Variants in SHISA9 observed in about 807,000 individuals in gnomAD.
SHISA9 encodes protein shisa-9.
In SHISA9, 13 loss-of-function variants were observed where a neutral mutation model predicts 38.0. The observed-to-expected ratio is 0.34, with a 90% CI of 0.22 to 0.54. The LOEUF is 0.54. Ranked by LOEUF, SHISA9 falls within the 20% of genes least tolerant of loss-of-function variation. The probability of loss-of-function intolerance (pLI) is 0.91; values close to 1 mark genes in which losing one functional copy is unlikely to be tolerated. For missense variants in SHISA9, 538 were observed against 575.8 expected, an observed-to-expected ratio of 0.93 and a Z score of 0.67; for synonymous variants, 275 against 242.0, an observed-to-expected ratio of 1.14 and a Z score of -1.27.
intron 4 of SHISA9, among the ~76,000 whole-genome samples, chr16:13,229,715 G>A (rs943420781): frequency 6.6e-6 from 1 of 152,184 alleles, no homozygotes; most frequent in African/African-American, 2.4e-5. Context: ...CAAAGAACTC[G>A]TGGTCTAGTG....
At chr16:13,030,287 G>A (rs1050424792) in intron 2 of SHISA9, among the ~76,000 whole-genome samples, 2 of 152,140 alleles carry the variant, frequency 1.3e-5, no homozygotes, top group Non-Finnish European at 1.5e-5. Flanking sequence ...TCCTGTAGGT[G>A]AGGTGAAGTG....
intron 2 of SHISA9, among the ~76,000 whole-genome samples, chr16:13,101,374 G>T (rs1346895654): frequency 6.6e-6 from 1 of 152,122 alleles, no homozygotes; most frequent in Non-Finnish European, 1.5e-5. Context: ...ACATCAAGTG[G>T]TATACCCTAA....
chr16:13,143,842 CTT>C (rs2050423809), intron 2 of SHISA9, among the ~76,000 whole-genome samples: 2 of 152,170 alleles, frequency 1.3e-5, no homozygotes, highest in South Asian at 4.1e-4. Context: ...CATTCAGTGA[CTT>C]TACATCGACT....
chr16:13,446,566 G>T, the SHISA9 span, among the ~76,000 whole-genome samples: 1 of 152,154 alleles, frequency 6.6e-6, no homozygotes, highest in African/African-American at 2.4e-5. Context: ...GAGATTTTGA[G>T]CTGGGGGTTA....
At chr16:13,058,751 T>TTG (rs57415975) in intron 2 of SHISA9, among the ~76,000 whole-genome samples, 7,370 of 144,570 alleles carry the variant, frequency 0.051, 186 homozygotes, top group African/African-American at 0.078. Context: ...TGTGGTGTAT[T>TTG]TGTGTGTGTG....
chr16:13,262,654 A>AAGGAAGGGAGGG, the SHISA9 span, among the ~76,000 whole-genome samples: 328 of 47,696 alleles, frequency 6.9e-3, 1 homozygote, highest in South Asian at 0.023. Flanking sequence ...GGAAGGAAGG[A>AAGGAAGGGAGGG]AGGAAGGAAG....
chr16:13,391,884 A>G, the SHISA9 span, among the ~76,000 whole-genome samples: 1 of 152,358 alleles, frequency 6.6e-6, no homozygotes, highest in Non-Finnish European at 1.5e-5. Flanking sequence ...TGAAAAGTCC[A>G]TCTGTTTGGA....
chr16:13,006,514 C>G (rs1021701465), intron 2 of SHISA9, among the ~76,000 whole-genome samples: 1 of 152,202 alleles, frequency 6.6e-6, no homozygotes, highest in East Asian at 1.9e-4. Context: ...TGCAAGTCAC[C>G]TGGGGACTTC....
At chr16:13,504,347 A>T in the SHISA9 span, among the ~76,000 whole-genome samples, 10 of 152,194 alleles carry the variant, frequency 6.6e-5, no homozygotes, top group Non-Finnish European at 1.0e-4. Context: ...CAACTAACTG[A>T]TTTTCTTTTC....
chr16:13,172,453 G>A (rs74012296), intron 2 of SHISA9, among the ~76,000 whole-genome samples: 2,207 of 152,296 alleles, frequency 0.014, 51 homozygotes, highest in African/African-American at 0.05. Context: ...GTCATTAGTC[G>A]TAGCATATAA....
intron 4 of SHISA9, among the ~76,000 whole-genome samples, chr16:13,216,568 C>A (rs2051171363): frequency 6.6e-6 from 1 of 152,160 alleles, no homozygotes; most frequent in African/African-American, 2.4e-5. Flanking sequence ...GATCTCTTTG[C>A]TCTTAAGGAA....
At chr16:13,070,105 C>T (rs1463374394) in intron 2 of SHISA9, among the ~76,000 whole-genome samples, 1 of 145,720 alleles carries the variant, frequency 6.9e-6, no homozygotes, top group African/African-American at 2.6e-5. Context: ...CCTTTAAAAA[C>T]ATCAACCCTT....
intron 2 of SHISA9, among the ~76,000 whole-genome samples, chr16:13,026,783 T>G (rs1214320440): frequency 6.6e-6 from 1 of 152,214 alleles, no homozygotes; most frequent in Non-Finnish European, 1.5e-5. Flanking sequence ...AGACTACCTA[T>G]GTAATGCAGA....
At chr16:13,423,905 A>G in the SHISA9 span, among the ~76,000 whole-genome samples, 1,748 of 152,320 alleles carry the variant, frequency 0.011, 42 homozygotes, top group African/African-American at 0.041. Flanking sequence ...CCCATTATCA[A>G]GCCAACAAGG....
chr16:13,486,725 A>G, the SHISA9 span, among the ~76,000 whole-genome samples: 1 of 151,880 alleles, frequency 6.6e-6, no homozygotes, highest in East Asian at 1.9e-4. Context: ...TTTCTTTGAG[A>G]TGGATTTTTG....
At chr16:13,231,332 A>G (rs1472365543) in intron 4 of SHISA9, among the ~76,000 whole-genome samples, 2 of 152,236 alleles carry the variant, frequency 1.3e-5, no homozygotes, top group Non-Finnish European at 2.9e-5. Flanking sequence ...TCCAGGAGGT[A>G]ATGACATATA....
the SHISA9 span, among the ~76,000 whole-genome samples, chr16:13,515,894 G>A: frequency 6.6e-6 from 1 of 152,186 alleles, no homozygotes; most frequent in African/African-American, 2.4e-5. Flanking sequence ...GTCTGGCACT[G>A]AACTTAGCAT....
chr16:13,019,764 TTTTCTTTCTTTCTTTCTTTCTTTC>T (rs548980425), intron 2 of SHISA9, among the ~76,000 whole-genome samples: 158 of 77,948 alleles, frequency 2.0e-3, no homozygotes, highest in Middle Eastern at 7.7e-3. Context: ...CTTTTCTTTC[TTTTCTTTCTTTCTTTCTTTCTTTC>T]TTTCTTTCTT....
chr16:12,924,833 T>C (rs1009395117), intron 2 of SHISA9, among the ~76,000 whole-genome samples: 4 of 152,172 alleles, frequency 2.6e-5, no homozygotes, highest in African/African-American at 9.7e-5. Context: ...AGATTGGGTA[T>C]TTGCTGTGTA....
Sources: gnomAD v4.1 joint callset for allele counts (sites outside exome capture counted in the v4.1 genomes callset) on GRCh38, gnomAD v4.1.1 for gene constraint, MANE v1.5 for transcripts, NCBI Gene and HGNC (gene_info 2026-07-23, HGNC 2026-07-21) for gene names.